Variants in GREB1L observed in about 807,000 individuals in gnomAD.
The protein encoded by GREB1L is GREB1-like protein.
Under a neutral mutation model 200.8 loss-of-function variants are expected in GREB1L, and 17 were observed. The observed-to-expected ratio is 0.08, with a 90% CI of 0.06 to 0.13. GREB1L has a LOEUF of 0.13. Among genes scored for constraint, GREB1L ranks in the 10% least tolerant of loss-of-function variants. The pLI, the probability that GREB1L is intolerant of heterozygous loss-of-function variation, is 1.00. For synonymous variants in GREB1L, 789 were observed against 893.0 expected (o/e 0.88, Z 2.08); for missense variants, 1,657 against 2,367.7 (o/e 0.70, Z 6.23).
At chr18:21,245,838 C>T (rs1486938863) in intron 1 of GREB1L, among the ~76,000 whole-genome samples, 1 of 152,184 alleles carries the variant, frequency 6.6e-6, no homozygotes, top group Non-Finnish European at 1.5e-5. Flanking sequence ...CTGCCTCAGC[C>T]TCCCTAGCAG....
chr18:21,430,471 G>A (rs927911690), intron 7 of GREB1L, among the ~76,000 whole-genome samples: 1 of 148,844 alleles, frequency 6.7e-6, no homozygotes, highest in African/African-American at 2.5e-5. Flanking sequence ...TTCTGTTGCT[G>A]TCGATTGTCT....
chr18:21,309,750 T>C (rs2038761446), intron 1 of GREB1L, among the ~76,000 whole-genome samples: 1 of 152,134 alleles, frequency 6.6e-6, no homozygotes, highest in African/African-American at 2.4e-5. Flanking sequence ...GAGCAAAACA[T>C]AACCCATAGC....
intron 1 of GREB1L, among the ~76,000 whole-genome samples, chr18:21,295,754 C>A (rs1464536993): frequency 3.3e-5 from 5 of 152,122 alleles, no homozygotes; most frequent in African/African-American, 1.2e-4. Flanking sequence ...GCAGGACTTA[C>A]CTGAGGAGAG....
At chr18:21,306,715 A>G (rs1567930194) in intron 1 of GREB1L, among the ~76,000 whole-genome samples, 2 of 152,150 alleles carry the variant, frequency 1.3e-5, no homozygotes, top group South Asian at 2.1e-4. Context: ...ATATATAATG[A>G]TTTTCCAGGA....
At chr18:21,441,613 A>G in intron 10 of GREB1L, 76 bp downstream of exon 10, 1 of 1,308,970 alleles carries the variant, frequency 7.6e-7, no homozygotes, top group South Asian at 1.4e-5. Context: ...GTGTTTTTTC[A>G]TGTATTCATG....
rs902953118 is a variant in GREB1L, at chr18:21,390,246, A to G, written c.356-5139A>G. On this transcript the variant is annotated intron_variant, in intron 4 of 32. Coordinates refer to ENST00000424526, the MANE Select transcript of GREB1L (RefSeq NM_001142966.3). ...TAATAAATGTTATTTTTTATTACCT[A>G]GTTATTTTATTATCTATGTTATTTC... Among the ~76,000 whole-genome samples, 10 of 152,208 alleles carry G rather than the reference A, an allele frequency of 6.6e-5. No homozygotes were observed. In the East Asian group the frequency reaches 9.7e-4, roughly 15 times the overall value.
intron 11 of GREB1L, among the ~76,000 whole-genome samples, chr18:21,447,299 TA>T (rs202167374): frequency 5.3e-5 from 8 of 151,324 alleles, no homozygotes; most frequent in South Asian, 2.1e-4. Flanking sequence ...TAAAAAAATT[TA>T]AAAAAAAAAT....
intron 1 of GREB1L, among the ~76,000 whole-genome samples, chr18:21,365,473 A>G (rs540366657): frequency 6.6e-6 from 1 of 152,286 alleles, no homozygotes; most frequent in African/African-American, 2.4e-5. Context: ...ATTTAGTTTA[A>G]TATCTTCTAG....
intron 1 of GREB1L, among the ~76,000 whole-genome samples, chr18:21,338,869 A>C (rs557098116): frequency 6.6e-6 from 1 of 152,194 alleles, no homozygotes; most frequent in Non-Finnish European, 1.5e-5. Flanking sequence ...TGGATCAAAA[A>C]TTATCAGTCT....
chr18:21,271,079 C>T (rs1216619205), intron 1 of GREB1L, among the ~76,000 whole-genome samples: 2 of 152,114 alleles, frequency 1.3e-5, no homozygotes, highest in Non-Finnish European at 2.9e-5. Context: ...AAAGGAAACA[C>T]ATTAAGAAAG....
chr18:21,497,745 A>G (rs2036601748), intron 21 of GREB1L, among the ~76,000 whole-genome samples: 1 of 148,760 alleles, frequency 6.7e-6, no homozygotes, highest in Non-Finnish European at 1.5e-5. Context: ...AAAATGAAAC[A>G]CACGCCCACT....
At chr18:21,390,551 TTTTTGA>T (rs1429969633) in intron 4 of GREB1L, among the ~76,000 whole-genome samples, 1 of 152,134 alleles carries the variant, frequency 6.6e-6, no homozygotes. Context: ...TTTGTTTTTG[TTTTTGA>T]GATGGAGTCT....
intron 11 of GREB1L, among the ~76,000 whole-genome samples, chr18:21,444,724 C>T (rs1417003232): frequency 6.6e-6 from 1 of 152,236 alleles, no homozygotes; most frequent in African/African-American, 2.4e-5. Flanking sequence ...GCCTTGAGCA[C>T]CCCTTCTCTG....
At chr18:21,434,170 A>T (rs565994159) in intron 7 of GREB1L, among the ~76,000 whole-genome samples, 19 of 152,200 alleles carry the variant, frequency 1.2e-4, no homozygotes, top group Admixed American at 6.5e-4. Context: ...AGATAAATAC[A>T]TCTCATTAAA....
rs2035545474 is a variant in GREB1L, at chr18:21,473,072, C to T, written c.2224C>T (p.His742Tyr). 1 of 1,548,972 alleles carries T rather than the reference C, an allele frequency of 6.5e-7. No individual in the cohort carries two copies. Among genetic ancestry groups the T allele is most frequent in the Non-Finnish European group, 8.7e-7 (1 of 1,145,802 alleles). The change falls in exon 16 of 33, where the codon CAT becomes TAT. Residue 742 changes from histidine (H) to tyrosine (Y), a missense_variant. His to Tyr is a moderately conservative substitution (Grantham distance 83). Transcript: ENST00000424526. ...DLGLEENGTAHQRAEKYVVRL... is the reference protein window; with the variant it reads ...DLGLEENGTAYQRAEKYVVRL... The stretch of plus-strand genomic sequence containing the variant: ...GGGTCTGGAGGAAAATGGGACAGCC[C>T]ATCAGAGAGCAGAAAAATATGTTGT...
chr18:21,306,333 T>A (rs925007628), intron 1 of GREB1L, among the ~76,000 whole-genome samples: 1 of 152,230 alleles, frequency 6.6e-6, no homozygotes, highest in African/African-American at 2.4e-5. Context: ...TCCTGCCAAT[T>A]TTTCATGATA....
chr18:21,358,069 A>C (rs186878837), intron 1 of GREB1L, among the ~76,000 whole-genome samples: 1 of 152,164 alleles, frequency 6.6e-6, no homozygotes, highest in Non-Finnish European at 1.5e-5. Flanking sequence ...CATTTAAACA[A>C]TATTCATTTT....
At chr18:21,486,643 G>GA (rs112509104) in intron 18 of GREB1L, among the ~76,000 whole-genome samples, 72 of 148,382 alleles carry the variant, frequency 4.9e-4, no homozygotes, top group African/African-American at 8.9e-4. Flanking sequence ...TCTAAAAAAA[G>GA]AAAAAAAAAA....
At chr18:21,444,514 C>T in intron 11 of GREB1L, 105 bp downstream of exon 11, 2 of 907,420 alleles carry the variant, frequency 2.2e-6, no homozygotes, top group Non-Finnish European at 3.3e-6. Context: ...CTTATTTTCC[C>T]TCTTTCGCTT....
Sources: gnomAD v4.1 joint callset for allele counts (sites outside exome capture counted in the v4.1 genomes callset) on GRCh38, gnomAD v4.1.1 for gene constraint, MANE v1.5 for transcripts, NCBI Gene and HGNC (gene_info 2026-07-23, HGNC 2026-07-21) for gene names.